The following NCOR2 variants were observed in gnomAD, a reference collection of about 807,000 sequenced individuals.
NCOR2 encodes CTG repeat protein 26.
In NCOR2, 81 loss-of-function variants were observed where a neutral mutation model predicts 262.9. The observed-to-expected ratio is 0.31, with a 90% CI of 0.26 to 0.37. The LOEUF (loss-of-function observed/expected upper bound fraction) is 0.37. NCOR2 is among the 10% of genes least tolerant of loss of function. The pLI is 1.00. For missense variants in NCOR2, 3,385 were observed against 3,621.4 expected, an observed-to-expected ratio of 0.93 and a Z score of 1.68; for synonymous variants, 1,659 against 1,559.3, an observed-to-expected ratio of 1.06 and a Z score of -1.51.
chr12:124,566,728 G>A lies in NCOR2; in HGVS notation c.-165+580C>T, dbSNP rs986271295. Reference sequence around the variant, plus strand: ...ACACCAGGAACACCGGCCCGCGGGGGAGGGGGACCAGGGGCGACTCTCCCG... The same window carrying A: ...ACACCAGGAACACCGGCCCGCGGGGAAGGGGGACCAGGGGCGACTCTCCCG... On this transcript the variant is annotated intron_variant, in intron 1 of 32. Coordinates refer to the NCOR2 transcript ENST00000458234. This position sits in a 1 kb window ranked among gnomAD's most constrained non-coding sequence, Gnocchi z 4.3. Among the ~76,000 whole-genome samples, 6 of 152,224 alleles carry A rather than the reference G, an allele frequency of 3.9e-5. No individual in the cohort carries two copies. The highest frequency in any genetic ancestry group is 1.4e-4 in the African/African-American group (6 of 41,456).
chr12:124,439,960 AC>A (rs1016382271), intron 7 of NCOR2, among the ~76,000 whole-genome samples: 2 of 151,028 alleles, frequency 1.3e-5, no homozygotes, highest in African/African-American at 4.9e-5. Context: ...GCTGGAAGAC[AC>A]CCCCACCCAC....
At chr12:124,419,628 T>C (rs990560536) in intron 13 of NCOR2, among the ~76,000 whole-genome samples, 3 of 152,240 alleles carry the variant, frequency 2.0e-5, no homozygotes, top group African/African-American at 7.2e-5. Context: ...TTTTGGAATG[T>C]AGCCTTTTTA....
chr12:124,516,799 C>T (rs1232272582), intron 1 of NCOR2, among the ~76,000 whole-genome samples: 1 of 152,132 alleles, frequency 6.6e-6, no homozygotes, highest in East Asian at 1.9e-4. Flanking sequence ...AGGGGCCCCC[C>T]ACCCTCAGAC....
At chr12:124,474,918 G>A (rs1197614713) in intron 3 of NCOR2, among the ~76,000 whole-genome samples, 2 of 152,022 alleles carry the variant, frequency 1.3e-5, no homozygotes, top group East Asian at 3.9e-4. Flanking sequence ...GAGGACACAG[G>A]GTGCATTATT....
chr12:124,362,615 A>C (rs1252757855), intron 21 of NCOR2, among the ~76,000 whole-genome samples: 1 of 142,376 alleles, frequency 7.0e-6, no homozygotes, highest in Non-Finnish European at 1.5e-5. Context: ...GGTGATGGAC[A>C]GGGGGAGCCC....
intron 20 of NCOR2, among the ~76,000 whole-genome samples, chr12:124,365,115 G>T (rs2038926099): frequency 6.6e-6 from 1 of 152,202 alleles, no homozygotes; most frequent in Non-Finnish European, 1.5e-5. Context: ...GGGTGTATTT[G>T]GAGGCGACGC....
At chr12:124,386,371 G>A (rs572961197) in intron 16 of NCOR2, among the ~76,000 whole-genome samples, 13 of 152,210 alleles carry the variant, frequency 8.5e-5, no homozygotes, top group South Asian at 2.1e-4. Context: ...CCGGCCCAGC[G>A]AAAGGAAGGG....
At chr12:124,390,835 G>A (rs1265568255) in intron 16 of NCOR2, among the ~76,000 whole-genome samples, 2 of 152,266 alleles carry the variant, frequency 1.3e-5, no homozygotes, top group Non-Finnish European at 1.5e-5. Context: ...AAGGAGTTTC[G>A]TTCTGAAGAG....
chr12:124,362,114 G>C lies in NCOR2; in HGVS notation c.3100+12C>G, dbSNP rs752821559. On this transcript the variant is annotated intron_variant, in intron 22 of 46. Coordinates refer to ENST00000405201, the Ensembl canonical transcript of NCOR2. ...CTGCCCCAGCCCCACTCAGCCACTG[G>C]TGTGCACTCACCCTCCTTGTCGGCG... 3 of 1,294,136 alleles carry C rather than the reference G, an allele frequency of 2.3e-6. No homozygotes were observed. In the South Asian group the frequency reaches 1.0e-4, roughly 43 times the overall value. 80.2% of individuals were successfully genotyped at this position (1,294,136 alleles called of 1,614,324 possible). A position where few individuals can be genotyped will look rare whatever the true frequency, so the allele number is the denominator to read the frequency against.
At position 124,398,144 on chromosome 12, in the gene NCOR2, T is replaced by C. The variant is rs765334504; in HGVS notation, c.1851A>G (p.Glu617=). 4.3e-6 allele frequency: 7 copies of C among 1,614,114 alleles called. No individual in the cohort carries two copies. In the South Asian group the frequency reaches 7.7e-5, roughly 18 times the overall value. ...CTTTCTTGGCTGTTTCCATTTCTTC[T>C]TCTGTCCAGCGAGAACTCTCATTCA... The change falls in exon 16 of 47, where the codon GAA becomes GAG. Residue 617 remains glutamate, a synonymous_variant. Transcript: ENST00000405201.
intron 1 of NCOR2, among the ~76,000 whole-genome samples, chr12:124,552,914 G>A (rs2051758920): frequency 1.3e-5 from 2 of 152,134 alleles, no homozygotes; most frequent in African/African-American, 4.8e-5. Context: ...TGAACTCCTG[G>A]CCTCAAGCGA....
At chr12:124,518,897 AC>A (rs2050002305) in intron 1 of NCOR2, among the ~76,000 whole-genome samples, 1 of 152,084 alleles carries the variant, frequency 6.6e-6, no homozygotes, top group Non-Finnish European at 1.5e-5. Context: ...CTGGTTCCGA[AC>A]CCAGGCCTCG....
intron 5 of NCOR2, among the ~76,000 whole-genome samples, chr12:124,463,538 C>T (rs977518134): frequency 6.6e-6 from 1 of 152,250 alleles, no homozygotes; most frequent in African/African-American, 2.4e-5. Context: ...GCGGGTGCCT[C>T]ACCAATGTGC....
chr12:124,479,895 G>A (rs574326006), intron 3 of NCOR2, among the ~76,000 whole-genome samples: 38 of 152,324 alleles, frequency 2.5e-4, no homozygotes, highest in African/African-American at 8.9e-4. Flanking sequence ...TCAGCCTGGG[G>A]CCGTCTACAA....
chr12:124,450,245 G>A (rs1455456205), intron 6 of NCOR2, among the ~76,000 whole-genome samples: 1 of 152,196 alleles, frequency 6.6e-6, no homozygotes, highest in Non-Finnish European at 1.5e-5. Context: ...AGCTCACCAT[G>A]GAAACGCGCG....
intron 17 of NCOR2, chr12:124,383,628 G>T (rs1181798643): frequency 9.6e-6 from 2 of 208,424 alleles, no homozygotes; most frequent in South Asian, 3.7e-4. Context: ...AGAGTAACTA[G>T]GGCACGTCGC....
Position 124,385,728 on chromosome 12 carries a change from C to T in NCOR2, c.2019+17G>A, listed in dbSNP as rs200238548. 1.2e-3 allele frequency: 1,859 copies of T among 1,612,282 alleles called. 2 individuals carry two copies. The highest frequency in any genetic ancestry group is 1.5e-3 in the South Asian group (137 of 90,856). On this transcript the variant is annotated intron_variant, in intron 17 of 46. Coordinates refer to ENST00000405201, the Ensembl canonical transcript of NCOR2. Reference sequence around the variant, plus strand: ...CCAGCTTCCCAGAGGCGCGGTGCAGCGTGACTGGGGGCTCACCATCTTCAG... The same window carrying T: ...CCAGCTTCCCAGAGGCGCGGTGCAGTGTGACTGGGGGCTCACCATCTTCAG...
At chr12:124,551,803 T>C (rs1183924377) in intron 1 of NCOR2, among the ~76,000 whole-genome samples, 2 of 152,122 alleles carry the variant, frequency 1.3e-5, no homozygotes, top group African/African-American at 4.8e-5. Context: ...GTTTTCTTCC[T>C]CTTTTTAATA....
rs2047563561 is a variant in NCOR2 at position 124,482,753 on chromosome 12, C to A, written c.411+843G>T. ...GGCCCACCTGCAATGCCAGGCAGCCCCCCATGGAGATGCAGACGAGCCTGA... is the reference window on the plus strand; with the variant it reads ...GGCCCACCTGCAATGCCAGGCAGCCACCCATGGAGATGCAGACGAGCCTGA... On this transcript the variant is annotated intron_variant, in intron 3 of 46. Transcript: ENST00000405201. The surrounding 1 kb of genome is among the most constrained non-coding windows in gnomAD (Gnocchi z 6.3). 6.6e-6 allele frequency among the ~76,000 whole-genome samples: 1 copy of A among 152,088 alleles called. No individual in the cohort carries two copies. The highest frequency in any genetic ancestry group is 1.5e-5 in the Non-Finnish European group (1 of 68,000).
Sources: gnomAD v4.1 joint callset for allele counts (sites outside exome capture counted in the v4.1 genomes callset) on GRCh38, gnomAD v4.1.1 for gene constraint, Gnocchi (gnomAD v3.1) non-coding constraint, MANE v1.5 for transcripts, NCBI Gene and HGNC (gene_info 2026-07-23, HGNC 2026-07-21) for gene names.